Variants in SVEP1 observed in about 807,000 individuals in gnomAD.
The protein encoded by SVEP1 is sushi, von Willebrand factor type A, EGF and pentraxin domain containing 1.
A neutral mutation model predicts 367.3 loss-of-function variants in SVEP1; 164 were observed. The ratio of observed to expected loss-of-function variants is 0.45; its 90% CI spans 0.39 to 0.51. SVEP1 has a LOEUF of 0.51. Ranked by LOEUF, SVEP1 falls within the 20% of genes least tolerant of loss-of-function variation. SVEP1 has a pLI of 0.00. For missense variants in SVEP1, 4,117 were observed against 4,425.3 expected, an observed-to-expected ratio of 0.93 and a Z score of 1.98; for synonymous variants, 1,666 against 1,611.6, an observed-to-expected ratio of 1.03 and a Z score of -0.81.
intron 39 of SVEP1, among the ~76,000 whole-genome samples, chr9:110,403,412 C>A (rs1827899992): frequency 7.1e-6 from 1 of 140,332 alleles, no homozygotes; most frequent in Middle Eastern, 4.6e-3. Flanking sequence ...TCAAGCAATT[C>A]TCCTGTCTCA....
At chr9:110,514,792 C>A (rs1170666556) in intron 3 of SVEP1, among the ~76,000 whole-genome samples, 2 of 152,090 alleles carry the variant, frequency 1.3e-5, no homozygotes, top group Non-Finnish European at 2.9e-5. Flanking sequence ...GTATGATGTC[C>A]CCTATAGCCC....
chr9:110,476,079 C>T, intron 14 of SVEP1, 125 bp downstream of exon 14: 1 of 572,552 alleles, frequency 1.7e-6, no homozygotes, highest in South Asian at 2.5e-5. Context: ...ATTATTTAGC[C>T]ATCCTAAAAT....
rs532709026 is a variant in SVEP1 at position 110,513,990 on chromosome 9, C to G, written c.1081G>C (p.Val361Leu). 5 of 1,613,252 alleles carry G rather than the reference C, an allele frequency of 3.1e-6. No individual in the cohort carries two copies. The South Asian group carries it at 5.5e-5, about 18-fold the overall frequency. Residue 361 changes from valine (V) to leucine (L), a missense_variant, in exon 4 of 48, where the codon GTC becomes CTC. Physicochemically the swap from Val to Leu is conservative, Grantham distance 32 (BLOSUM62 1). Coordinates refer to ENST00000374469, the MANE Select transcript of SVEP1 (RefSeq NM_153366.4). ...GATGCCCTGTATCCCTCTCTGCAGA[C>G]ACAGTCTTCAGGGGATGTGCTTCCA... is the stretch of plus-strand genomic sequence containing the variant. ...PPGSTSPEDC[V>L]CREGYRASGQ...
chr9:110,527,094 G>A (rs187168622), intron 3 of SVEP1, among the ~76,000 whole-genome samples: 14 of 152,142 alleles, frequency 9.2e-5, no homozygotes, highest in African/African-American at 1.2e-4. Flanking sequence ...TTATTGTGGT[G>A]GTAGAAATGT....
At position 110,479,628 on chromosome 9, in the gene SVEP1, G is replaced by A; in HGVS notation, c.2487+7C>T. 1 of 1,601,902 alleles carries A rather than the reference G, an allele frequency of 6.2e-7. No individual in the cohort carries two copies. The highest frequency in any genetic ancestry group is 8.5e-7 in the Non-Finnish European group (1 of 1,176,158). ...GAACACACAATAAATGACCACTATT[G>A]ATGTACCATTTTTCCCAGGGTCGTC... On this transcript the variant is annotated splice_region_variant and intron_variant, in intron 13 of 47. Transcript: ENST00000374469.
intron 20 of SVEP1, among the ~76,000 whole-genome samples, chr9:110,457,711 G>T (rs1828797125): frequency 6.6e-6 from 1 of 152,110 alleles, no homozygotes; most frequent in Non-Finnish European, 1.5e-5. Flanking sequence ...TAAAAACTTG[G>T]CCAGGATTCT....
Position 110,481,390 on chromosome 9 carries a change from T to A in SVEP1, c.2217A>T (p.Ile739=). 6.2e-7 allele frequency: 1 copy of A among 1,604,072 alleles called. No homozygotes were observed. Among genetic ancestry groups the A allele is most frequent in the South Asian group, 1.1e-5 (1 of 88,524 alleles). Reference sequence around the variant, plus strand: ...TGACTCCAGTATTATCTGGAGTGCATATAAAATCCCCATTTACAGGTGTGA... The same window carrying A: ...TGACTCCAGTATTATCTGGAGTGCAAATAAAATCCCCATTTACAGGTGTGA... ...IPFTPVNGDF[I]CTPDNTGVNC... The change falls in exon 12 of 48, where the codon ATA becomes ATT. Residue 739 remains isoleucine (I), a synonymous_variant. Transcript: ENST00000374469.
At chr9:110,373,051 T>C (rs944718976) in intron 46 of SVEP1, among the ~76,000 whole-genome samples, 21 of 152,186 alleles carry the variant, frequency 1.4e-4, no homozygotes, top group African/African-American at 4.3e-4. Context: ...ATGTGAGAGA[T>C]GCTGAGCAGG....
At position 110,451,360 on chromosome 9, in the gene SVEP1, G is replaced by C; in HGVS notation, c.3830C>G (p.Pro1277Arg). ...EENINECSSS[P>R]CLNKGICVDG... ...AACACAGATTCCTTTATTTAAACAAGGACTGGAGCTACACTCATTTATATT... is the reference window on the plus strand; with the variant it reads ...AACACAGATTCCTTTATTTAAACAACGACTGGAGCTACACTCATTTATATT... Residue 1277 changes from proline (P) to arginine (R), a missense_variant, in exon 23 of 48, where the codon CCT becomes CGT. This residue lies in a region of SVEP1 where 2,174 missense variants were observed against 2,494.3 expected (regional missense o/e 0.87). Transcript: ENST00000374469. 1 of 1,613,678 alleles carries C rather than the reference G, an allele frequency of 6.2e-7. No individual in the cohort carries two copies. The highest frequency in any genetic ancestry group is 8.5e-7 in the Non-Finnish European group (1 of 1,179,738).
At chr9:110,553,154 T>C (rs192969100) in intron 1 of SVEP1, among the ~76,000 whole-genome samples, 2 of 152,294 alleles carry the variant, frequency 1.3e-5, no homozygotes, top group East Asian at 1.9e-4. Flanking sequence ...GCACAGGACA[T>C]GTCAGAGCTG....
At position 110,434,401 on chromosome 9, in the gene SVEP1, A is replaced by G. The variant is rs1001201685; in HGVS notation, c.4994T>C (p.Val1665Ala). 1.2e-6 allele frequency: 2 copies of G among 1,613,480 alleles called. No individual in the cohort carries two copies. The highest frequency in any genetic ancestry group is 1.1e-5 in the South Asian group (1 of 90,956). ...CAGACAGTACTGCACAGGGTTCCCG[A>G]CCAGCTGGAAGCCTGGATCACAGAA... ...NLFCDPGFQL[V>A]GNPVQYCLNQ... Residue 1665 changes from valine (V) to alanine (A), a missense_variant, in exon 30 of 48, where the codon GTC (valine) becomes GCC (alanine). This residue lies in a region of SVEP1 where 2,174 missense variants were observed against 2,494.3 expected (regional missense o/e 0.87). Coordinates refer to ENST00000374469, the MANE Select transcript of SVEP1 (RefSeq NM_153366.4).
rs994935354 is a variant in SVEP1 at position 110,412,615 on chromosome 9, A to G, written c.5976-880T>C. Among the ~76,000 whole-genome samples, 5 of 151,898 alleles carry G rather than the reference A, an allele frequency of 3.3e-5. No homozygotes were observed. In the East Asian group the frequency reaches 9.7e-4, roughly 29 times the overall value. On this transcript the variant is annotated intron_variant, in intron 36 of 47. Transcript: ENST00000374469. The stretch of plus-strand genomic sequence containing the variant: ...CATCAGAGTGAACAGGCAACCTACA[A>G]AATGGGAGAAAATTTTCACAACCTA...
chr9:110,545,117 T>A (rs1588102033), intron 3 of SVEP1, among the ~76,000 whole-genome samples: 2 of 152,188 alleles, frequency 1.3e-5, no homozygotes, highest in African/African-American at 4.8e-5. Context: ...TATGGCTGAG[T>A]AGTCTTCCAT....
intron 3 of SVEP1, among the ~76,000 whole-genome samples, chr9:110,528,078 A>T (rs1829963636): frequency 6.8e-6 from 1 of 146,250 alleles, no homozygotes; most frequent in Non-Finnish European, 1.5e-5. Flanking sequence ...GTGTATGTAT[A>T]TATATATATA....
chr9:110,366,463 A>G lies in SVEP1; in HGVS notation c.*76T>C, dbSNP rs370666898. On this transcript the variant is annotated 3_prime_UTR_variant, in exon 48 of 48. Coordinates refer to ENST00000374469, the MANE Select transcript of SVEP1 (RefSeq NM_153366.4). ...CAGCACCATGTTGGACTTTCTTTGCATAAGTTCCAGGATGCCCAGGCACTA... is the reference window on the plus strand; with the variant it reads ...CAGCACCATGTTGGACTTTCTTTGCGTAAGTTCCAGGATGCCCAGGCACTA... 1.6e-4 allele frequency: 225 copies of G among 1,419,844 alleles called. No individual in the cohort carries two copies. The highest frequency in any genetic ancestry group is 1.4e-3 in the South Asian group (86 of 59,756). 88.0% of individuals were successfully genotyped at this position (1,419,844 alleles called of 1,614,324 possible).
chr9:110,365,921 A>C lies in SVEP1; in HGVS notation c.*618T>G, dbSNP rs1827191998. On this transcript the variant is annotated 3_prime_UTR_variant, in exon 48 of 48. Coordinates refer to ENST00000374469, the MANE Select transcript of SVEP1 (RefSeq NM_153366.4). The stretch of plus-strand genomic sequence containing the variant: ...CTTTTCAAATGTTGTGAAAAGAATT[A>C]GCCAGGCTACCCTAAGTACCAGGAC... 6.6e-6 allele frequency: 1 copy of C among 152,272 alleles called. No individual in the cohort carries two copies. Among genetic ancestry groups the C allele is most frequent in the Non-Finnish European group, 1.5e-5 (1 of 68,062 alleles). The allele number at this position is 152,272 out of a possible 1,614,324, so 9.4% of individuals were successfully genotyped here.
At chr9:110,399,500 TAAAAAG>T (rs1827823784) in intron 40 of SVEP1, among the ~76,000 whole-genome samples, 1 of 151,992 alleles carries the variant, frequency 6.6e-6, no homozygotes, top group African/African-American at 2.4e-5. Context: ...ATAATAAAAT[TAAAAAG>T]AAAAAAGAAA....
chr9:110,377,266 C>A lies in SVEP1; in HGVS notation c.10504+5G>T. ...ACTCAAAGTAAGATCTGAAGAGCAA[C>A]TCACGTTCTTCACAGAGGCGCCCCA... On this transcript the variant is annotated splice_donor_5th_base_variant and intron_variant, in intron 45 of 47. Coordinates refer to ENST00000374469, the MANE Select transcript of SVEP1 (RefSeq NM_153366.4). The A allele has an allele frequency of 6.2e-7, 1 of 1,613,078 alleles. No homozygotes were observed. Among genetic ancestry groups the A allele is most frequent in the Non-Finnish European group, 8.5e-7 (1 of 1,179,246 alleles).
rs370913805 is a variant in SVEP1, at chr9:110,390,353, A to ATATATATACTTATATAAG, written c.9823-767_9823-766insCTTATATAAGTATATATA. Among the ~76,000 whole-genome samples the ATATATATACTTATATAAG allele has an allele frequency of 1.4e-3, 71 of 51,486 alleles. 1 individual carries two copies. The highest frequency in any genetic ancestry group is 2.6e-3 in the Non-Finnish European group (54 of 20,728). 33.8% of individuals were successfully genotyped at this position (51,486 alleles called of 152,430 possible). A position where few individuals can be genotyped will look rare whatever the true frequency, so the allele number is the denominator to read the frequency against. On this transcript the variant is annotated intron_variant, in intron 40 of 47. Coordinates refer to ENST00000374469, the MANE Select transcript of SVEP1 (RefSeq NM_153366.4). ...TATATACACATACTTATATACACTT[A>ATATATATACTTATATAAG]TATATATATACTTATATCTACTTAT...
Sources: allele counts gnomAD v4.1 joint callset (sites outside exome capture counted in the v4.1 genomes callset), GRCh38; gene constraint gnomAD v4.1.1; regional missense constraint gnomAD v4.1.1; transcripts MANE v1.5; gene names NCBI Gene and HGNC (gene_info 2026-07-23, HGNC 2026-07-21).